Variants in RBMS3 observed in about 807,000 individuals in gnomAD.
RBMS3 encodes RNA-binding motif, single-stranded-interacting protein 3.
A neutral mutation model predicts 66.8 loss-of-function variants in RBMS3; 27 were observed. The ratio of observed to expected loss-of-function variants is 0.40; its 90% CI spans 0.30 to 0.56. RBMS3 has a LOEUF of 0.56. Ranked by LOEUF, RBMS3 falls within the 20% of genes least tolerant of loss-of-function variation. The probability of loss-of-function intolerance (pLI) is 0.40; values close to 1 mark genes in which losing one functional copy is unlikely to be tolerated. For synonymous variants in RBMS3, 188 were observed against 183.0 expected (o/e 1.03, Z -0.22); for missense variants, 513 against 549.5 (o/e 0.93, Z 0.66).
chr3:29,769,260 G>A (rs1415937690), intron 6 of RBMS3, among the ~76,000 whole-genome samples: 2 of 151,846 alleles, frequency 1.3e-5, no homozygotes, highest in East Asian at 1.9e-4. Flanking sequence ...AGGACACAAA[G>A]AGTTAGATGG....
At chr3:29,713,836 C>T (rs1454890948) in intron 4 of RBMS3, among the ~76,000 whole-genome samples, 1 of 152,078 alleles carries the variant, frequency 6.6e-6, no homozygotes, top group Non-Finnish European at 1.5e-5. Flanking sequence ...GGGTAGATCA[C>T]TTAAGTTTAG....
intron 4 of RBMS3, among the ~76,000 whole-genome samples, chr3:29,649,266 A>C (rs576304617): frequency 7.6e-4 from 116 of 152,314 alleles, no homozygotes; most frequent in Middle Eastern, 3.4e-3. Flanking sequence ...CCCATCATTA[A>C]GAAAGTTTCC....
intron 1 of RBMS3, among the ~76,000 whole-genome samples, chr3:29,359,319 C>T (rs964528273): frequency 2.0e-5 from 3 of 152,146 alleles, no homozygotes; most frequent in Non-Finnish European, 1.5e-5. Context: ...TGGTTTTTGT[C>T]ATTGGTTCTG....
In RBMS3 at chr3:29,991,268, C is replaced by T. The variant is rs144709531; in HGVS notation, c.1307+59C>T. ...AGATCAGCCATCTTGACATCACTCTCTCATGTTGTATGTGTTAGCTTTTGC... is the reference window on the plus strand; with the variant it reads ...AGATCAGCCATCTTGACATCACTCTTTCATGTTGTATGTGTTAGCTTTTGC... On this transcript the variant is annotated intron_variant, in intron 14 of 14. Transcript: ENST00000383767. 2.0e-4 allele frequency: 319 copies of T among 1,609,858 alleles called. 1 individual carries two copies. In the African/African-American group the frequency reaches 3.6e-3, roughly 18 times the overall value.
intron 6 of RBMS3, among the ~76,000 whole-genome samples, chr3:29,847,482 A>G (rs1275655013): frequency 1.3e-5 from 2 of 152,064 alleles, no homozygotes; most frequent in East Asian, 3.9e-4. Context: ...AAGATCTATA[A>G]TTTTCTATAT....
At chr3:29,967,638 A>G (rs1295390717) in intron 12 of RBMS3, among the ~76,000 whole-genome samples, 4 of 152,054 alleles carry the variant, frequency 2.6e-5, no homozygotes, top group African/African-American at 4.8e-5. Context: ...TACTGTTTCA[A>G]TCTTGCTGCT....
chr3:30,007,962 G>A lies in RBMS3; in HGVS notation c.*4100G>A, dbSNP rs555287135. Reference sequence around the variant, plus strand: ...ATAAGGCTGAGAACTGAAGAAGGCTGTTTAAAGCAGGAATTTCACTTTATT... The same window carrying A: ...ATAAGGCTGAGAACTGAAGAAGGCTATTTAAAGCAGGAATTTCACTTTATT... On this transcript the variant is annotated 3_prime_UTR_variant, in exon 15 of 15. Transcript: ENST00000383767. 1 of 152,112 alleles carries A rather than the reference G, an allele frequency of 6.6e-6. No homozygotes were observed. Among genetic ancestry groups the A allele is most frequent in the African/African-American group, 2.4e-5 (1 of 41,534 alleles). The allele number at this position is 152,112 out of a possible 1,614,324, so 9.4% of individuals were successfully genotyped here.
chr3:29,415,328 A>T (rs888823005), intron 1 of RBMS3, among the ~76,000 whole-genome samples: 1 of 152,220 alleles, frequency 6.6e-6, no homozygotes, highest in Non-Finnish European at 1.5e-5. Context: ...GCATTAAATT[A>T]TTATAAATTT....
At chr3:29,472,017 C>G (rs76411640) in intron 2 of RBMS3, among the ~76,000 whole-genome samples, 4,919 of 152,058 alleles carry the variant, frequency 0.032, 116 homozygotes, top group African/African-American at 0.056. Context: ...TAGCTTCTGC[C>G]ATCAATGCTA....
chr3:29,342,303 A>G (rs1310693950), intron 1 of RBMS3, among the ~76,000 whole-genome samples: 2 of 152,120 alleles, frequency 1.3e-5, no homozygotes, highest in East Asian at 1.9e-4. Flanking sequence ...AGAGCTGCCC[A>G]GTCATAAAAC....
intron 6 of RBMS3, among the ~76,000 whole-genome samples, chr3:29,833,101 A>G (rs1329383013): frequency 6.6e-6 from 1 of 152,192 alleles, no homozygotes; most frequent in Non-Finnish European, 1.5e-5. Flanking sequence ...AACAAGTGGC[A>G]TGGAGCAGAT....
chr3:29,350,056 C>T (rs925020671), intron 1 of RBMS3, among the ~76,000 whole-genome samples: 7 of 151,132 alleles, frequency 4.6e-5, no homozygotes, highest in African/African-American at 1.2e-4. Flanking sequence ...GCTACTCGGG[C>T]GGCTGAGGCA....
intron 6 of RBMS3, among the ~76,000 whole-genome samples, chr3:29,807,206 G>T (rs778619880): frequency 1.3e-5 from 2 of 152,016 alleles, no homozygotes; most frequent in Admixed American, 1.3e-4. Context: ...TATCAAGATT[G>T]CTTTTCACAT....
At chr3:29,761,023 ACTCT>A (rs202092410) in intron 5 of RBMS3, among the ~76,000 whole-genome samples, 1 of 148,078 alleles carries the variant, frequency 6.8e-6, no homozygotes, top group Non-Finnish European at 1.5e-5. Context: ...AGTTTCCTAC[ACTCT>A]CTTGTCATAG....
chr3:29,809,409 T>C (rs2149455498), intron 6 of RBMS3, among the ~76,000 whole-genome samples: 1 of 151,964 alleles, frequency 6.6e-6, no homozygotes, highest in Middle Eastern at 3.4e-3. Flanking sequence ...GCACCCTTTA[T>C]GTGTGTGCAT....
In RBMS3 at chr3:29,434,856, G is replaced by A. The variant is rs1314545348; in HGVS notation, c.189G>A (p.Leu63=). The A allele has an allele frequency of 4.3e-6, 7 of 1,614,088 alleles. No individual in the cohort carries two copies. The highest frequency in any genetic ancestry group is 1.3e-5 in the African/African-American group (1 of 75,014). ...SSGEQLSKTN[L]YIRGLPPGTT... ...GGGAACAGTTGAGTAAAACCAACCT[G>A]TACATTCGAGGCCTCCCACCAGGCA... Residue 63 remains leucine (L), a synonymous_variant, in exon 2 of 15, where the codon CTG becomes CTA. Transcript: ENST00000383767.
intron 1 of RBMS3, among the ~76,000 whole-genome samples, chr3:29,421,588 A>G (rs1053441983): frequency 3.3e-5 from 5 of 152,200 alleles, no homozygotes; most frequent in African/African-American, 1.2e-4. Flanking sequence ...TACTTTTACA[A>G]CTTTTAGATA....
chr3:29,670,690 G>A (rs1179610230), intron 4 of RBMS3, among the ~76,000 whole-genome samples: 1 of 152,230 alleles, frequency 6.6e-6, no homozygotes, highest in South Asian at 2.1e-4. Flanking sequence ...CAAGGCAGCA[G>A]CAAGGCTGGT....
chr3:29,436,203 G>A (rs1045014502), intron 2 of RBMS3, among the ~76,000 whole-genome samples: 6 of 152,090 alleles, frequency 3.9e-5, no homozygotes, highest in African/African-American at 1.4e-4. Context: ...ATTGAAAGAG[G>A]AAAACAAAGC....
Sources: gnomAD v4.1 joint callset for allele counts (sites outside exome capture counted in the v4.1 genomes callset) on GRCh38, gnomAD v4.1.1 for gene constraint, MANE v1.5 for transcripts, NCBI Gene and HGNC (gene_info 2026-07-23, HGNC 2026-07-21) for gene names.